The following PRKACB variants were observed in gnomAD, a reference collection of about 807,000 sequenced individuals.
PRKACB encodes the protein cAMP-dependent protein kinase catalytic subunit beta.
A neutral mutation model predicts 51.4 loss-of-function variants in PRKACB; 16 were observed. That is an observed-to-expected ratio of 0.31 (90% confidence interval 0.21 to 0.47). The LOEUF (loss-of-function observed/expected upper bound fraction) is 0.47, where lower values mean the gene tolerates loss of function less well. PRKACB is among the 20% of genes least tolerant of loss of function. PRKACB has a pLI of 1.00. For missense variants in PRKACB, 309 were observed against 464.5 expected (o/e 0.67, Z 3.08); for synonymous variants, 147 against 154.4 (o/e 0.95, Z 0.35).
chr1:84,156,759 A>G (rs2100673194), intron 1 of PRKACB, among the ~76,000 whole-genome samples: 1 of 152,340 alleles, frequency 6.6e-6, no homozygotes, highest in South Asian at 2.1e-4. Context: ...CAAGAGATTC[A>G]TATAAATATC....
intron 5 of PRKACB, among the ~76,000 whole-genome samples, chr1:84,188,546 T>C (rs1012658129): frequency 9.2e-5 from 14 of 152,072 alleles, no homozygotes; most frequent in African/African-American, 3.1e-4. Flanking sequence ...ATTTCTATTT[T>C]ATCTAGCATT....
chr1:84,196,573 T>G, intron 5 of PRKACB, 43 bp from the exon 6 acceptor site: 1 of 1,592,338 alleles, frequency 6.3e-7, no homozygotes, highest in Non-Finnish European at 8.6e-7. Flanking sequence ...TAGAATGTAT[T>G]AACTCATTTT....
chr1:84,199,107 ATATATATG>A (rs1558242310), intron 7 of PRKACB, among the ~76,000 whole-genome samples: 1 of 133,514 alleles, frequency 7.5e-6, no homozygotes, highest in Non-Finnish European at 1.6e-5. Context: ...GCATATATGT[ATATATATG>A]CATATATATA....
chr1:84,144,662 G>A, intron 1 of PRKACB, 114 bp downstream of exon 1: 1 of 1,159,090 alleles, frequency 8.6e-7, no homozygotes, highest in Non-Finnish European at 1.2e-6. Flanking sequence ...ATTTTCACAA[G>A]GACATTTTGC....
chr1:84,130,810 CAG>C (rs1366666041), intron 1 of PRKACB, among the ~76,000 whole-genome samples: 1 of 151,938 alleles, frequency 6.6e-6, no homozygotes, highest in Non-Finnish European at 1.5e-5. Flanking sequence ...TAAGTGATAC[CAG>C]AGAGAAACTT....
chr1:84,164,275 G>A, intron 1 of PRKACB: 1 of 1,482,438 alleles, frequency 6.7e-7, no homozygotes, highest in South Asian at 1.3e-5. Flanking sequence ...TCGGCAATAA[G>A]ATTCATCGCC....
At chr1:84,193,283 G>T (rs919710967) in intron 5 of PRKACB, among the ~76,000 whole-genome samples, 1 of 152,070 alleles carries the variant, frequency 6.6e-6, no homozygotes, top group Admixed American at 6.6e-5. Flanking sequence ...GGACTGAAAG[G>T]GCTCCAATGG....
intron 4 of PRKACB, among the ~76,000 whole-genome samples, chr1:84,184,565 T>G (rs1664531235): frequency 6.6e-6 from 1 of 151,892 alleles, no homozygotes; most frequent in Non-Finnish European, 1.5e-5. Flanking sequence ...TATTCAAATG[T>G]CTGAAAAATT....
chr1:84,195,494 G>A (rs867527268), intron 5 of PRKACB, among the ~76,000 whole-genome samples: 1 of 152,140 alleles, frequency 6.6e-6, no homozygotes, highest in South Asian at 2.1e-4. Flanking sequence ...TTATTTATCA[G>A]GCAGATTAGT....
chr1:84,080,854 C>G (rs1455080229), intron 1 of PRKACB, among the ~76,000 whole-genome samples: 1 of 150,952 alleles, frequency 6.6e-6, no homozygotes. Flanking sequence ...AGTCTGATGC[C>G]TGGACTCCAT....
At chr1:84,137,947 T>C (rs1652991377) in intron 1 of PRKACB, among the ~76,000 whole-genome samples, 1 of 152,104 alleles carries the variant, frequency 6.6e-6, no homozygotes, top group Non-Finnish European at 1.5e-5. Flanking sequence ...CACAGTTACA[T>C]ATGGAAATAC....
At chr1:84,203,056 G>T (rs1412883110) in intron 8 of PRKACB, among the ~76,000 whole-genome samples, 1 of 151,828 alleles carries the variant, frequency 6.6e-6, no homozygotes, top group African/African-American at 2.4e-5. Flanking sequence ...CAAAGAACAG[G>T]ATCATAGCCA....
At chr1:84,232,132 G>A (rs375310099) in intron 9 of PRKACB, among the ~76,000 whole-genome samples, 3 of 152,136 alleles carry the variant, frequency 2.0e-5, no homozygotes, top group South Asian at 2.1e-4. Context: ...GTTTGCTCTC[G>A]TTGGTTTCAA....
chr1:84,134,298 A>G (rs1041605269), intron 1 of PRKACB, among the ~76,000 whole-genome samples: 1 of 152,292 alleles, frequency 6.6e-6, no homozygotes, highest in South Asian at 2.1e-4. Flanking sequence ...ACAGGAATGT[A>G]TGTTCTCACT....
chr1:84,124,296 A>G (rs992386929), intron 1 of PRKACB, among the ~76,000 whole-genome samples: 1 of 152,232 alleles, frequency 6.6e-6, no homozygotes, highest in Non-Finnish European at 1.5e-5. Flanking sequence ...TTGATTAACA[A>G]GTAGGAATTA....
At chr1:84,213,194 G>A (rs1049119410) in intron 8 of PRKACB, among the ~76,000 whole-genome samples, 4 of 152,134 alleles carry the variant, frequency 2.6e-5, no homozygotes, top group South Asian at 2.1e-4. Context: ...ATGTATGACA[G>A]GGAAGAGGGT....
chr1:84,235,262 T>C lies in PRKACB; in HGVS notation c.1154T>C (p.Val385Ala). ...GACTATGAAGAAGAAGATATCCGTG[T>C]CTCTATAACAGAAAAATGTGCAAAA... ...FDDYEEEDIR[V>A]SITEKCAKEF... Residue 385 changes from valine (V) to alanine (A), a missense_variant, in exon 10 of 10, where the codon GTC (valine) becomes GCC (alanine). By Grantham distance (64) the Val-to-Ala change is moderately conservative. This residue lies in a region of PRKACB where 96 missense variants were observed against 129.9 expected (regional missense o/e 0.74). Coordinates refer to ENST00000370685, the MANE Select transcript of PRKACB (RefSeq NM_182948.4). The C allele has an allele frequency of 6.2e-7, 1 of 1,614,114 alleles. No homozygotes were observed.
At position 84,105,039 on chromosome 1, in the gene PRKACB, C is replaced by CA. The variant is rs559384785; in HGVS notation, c.46+26676dup. Among the ~76,000 whole-genome samples the CA allele has an allele frequency of 1.8e-4, 27 of 151,862 alleles. No individual in the cohort carries two copies. The South Asian group carries it at 2.7e-3, about 15-fold the overall frequency. On this transcript the variant is annotated intron_variant, in intron 1 of 8. Transcript: ENST00000370688. The stretch of plus-strand genomic sequence containing the variant: ...CTTGGAGTGTTCTCTAAAAACAAAA[C>CA]AAAAAAAATCGTTTTCTTAAAGGCA...
At chr1:84,078,852 TCCTGAGTGGACAAC>T (rs1647300332) in intron 1 of PRKACB, among the ~76,000 whole-genome samples, 2 of 152,170 alleles carry the variant, frequency 1.3e-5, no homozygotes, top group South Asian at 4.1e-4. Flanking sequence ...GTGAGGCTAA[TCCTGAGTGGACAAC>T]CCTGCCTTAG....
Sources: gnomAD v4.1 joint callset for allele counts (sites outside exome capture counted in the v4.1 genomes callset) on GRCh38, gnomAD v4.1.1 for gene constraint, gnomAD v4.1.1 regional missense constraint, MANE v1.5 for transcripts, NCBI Gene and HGNC (gene_info 2026-07-23, HGNC 2026-07-21) for gene names.